CAST: variants seen among roughly 807,000 people sequenced by gnomAD.
CAST encodes the protein calpastatin.
A neutral mutation model predicts 119.6 loss-of-function variants in CAST; 76 were observed. That is an observed-to-expected ratio of 0.64 (90% CI 0.53 to 0.77). The LOEUF (loss-of-function observed/expected upper bound fraction) is 0.77. Among genes scored for constraint, CAST ranks in the 30% least tolerant of loss-of-function variants. The pLI is 0.00. For missense variants in CAST, 953 were observed against 946.5 expected, an observed-to-expected ratio of 1.01 and a Z score of -0.09; for synonymous variants, 319 against 331.6, an observed-to-expected ratio of 0.96 and a Z score of 0.41.
At chr5:96,378,545 C>A in the CAST span, among the ~76,000 whole-genome samples, 1 of 152,028 alleles carries the variant, frequency 6.6e-6, no homozygotes, top group East Asian at 1.9e-4. Flanking sequence ...AAGAAACAAA[C>A]TCAAGAAATA....
chr5:95,979,242 C>G, the CAST span, among the ~76,000 whole-genome samples: 2 of 152,154 alleles, frequency 1.3e-5, no homozygotes, highest in African/African-American at 4.8e-5. Flanking sequence ...ACCAATTCAT[C>G]CCAGCCACAA....
intron 1 of CAST, among the ~76,000 whole-genome samples, chr5:96,671,855 T>C (rs1333562737): frequency 1.3e-5 from 2 of 152,258 alleles, no homozygotes; most frequent in East Asian, 3.8e-4. Flanking sequence ...GGATCGAATT[T>C]GACATATGTC....
chr5:96,466,142 T>A, the CAST span, among the ~76,000 whole-genome samples: 1 of 152,132 alleles, frequency 6.6e-6, no homozygotes, highest in Non-Finnish European at 1.5e-5. Context: ...GAAAAATAAA[T>A]TCACTAACTA....
chr5:96,488,463 A>G, the CAST span, among the ~76,000 whole-genome samples: 1 of 152,246 alleles, frequency 6.6e-6, no homozygotes, highest in Admixed American at 6.5e-5. Flanking sequence ...AATGTCAAAA[A>G]ATGCAAAACT....
the CAST span, among the ~76,000 whole-genome samples, chr5:96,172,199 T>C: frequency 6.6e-6 from 1 of 152,284 alleles, no homozygotes; most frequent in East Asian, 1.9e-4. Context: ...TGGGGAGCCT[T>C]TGAGCCAGGA....
chr5:96,668,964 G>A (rs1749700280), intron 1 of CAST, among the ~76,000 whole-genome samples: 1 of 152,210 alleles, frequency 6.6e-6, no homozygotes, highest in Non-Finnish European at 1.5e-5. Flanking sequence ...CATCCTGCAG[G>A]AGGTGCTACT....
At chr5:96,682,344 G>A (rs939774386) in intron 2 of CAST, among the ~76,000 whole-genome samples, 1 of 152,126 alleles carries the variant, frequency 6.6e-6, no homozygotes, top group African/African-American at 2.4e-5. Flanking sequence ...TTCTAATACA[G>A]GTTTAAATTT....
intron 1 of CAST, among the ~76,000 whole-genome samples, chr5:96,590,152 C>A (rs912944776): frequency 3.3e-5 from 5 of 152,184 alleles, no homozygotes; most frequent in Admixed American, 2.6e-4. Flanking sequence ...AATAAATCAT[C>A]CAGTTCCTTA....
At chr5:96,491,448 G>T in the CAST span, among the ~76,000 whole-genome samples, 5 of 116,404 alleles carry the variant, frequency 4.3e-5, no homozygotes, top group Non-Finnish European at 8.2e-5. Flanking sequence ...CCGAGATCAC[G>T]CCACTGCACT....
the CAST span, among the ~76,000 whole-genome samples, chr5:96,134,886 G>A: frequency 9.7e-4 from 148 of 152,324 alleles, no homozygotes; most frequent in African/African-American, 3.3e-3. Context: ...AAAGCCTGTG[G>A]TAAGTGGGGA....
At chr5:96,607,276 G>A (rs1409356133) in intron 1 of CAST, among the ~76,000 whole-genome samples, 5 of 151,962 alleles carry the variant, frequency 3.3e-5, no homozygotes, top group Non-Finnish European at 4.4e-5. Flanking sequence ...CGACAGAGCG[G>A]GACTCCGTCT....
the CAST span, among the ~76,000 whole-genome samples, chr5:96,021,254 A>G: frequency 6.6e-6 from 1 of 152,286 alleles, no homozygotes; most frequent in African/African-American, 2.4e-5. Context: ...TGAAGTTCCT[A>G]AATATTTAAT....
intron 1 of CAST, among the ~76,000 whole-genome samples, chr5:96,548,532 C>A (rs114573210): frequency 1.3e-5 from 2 of 152,048 alleles, no homozygotes; most frequent in Non-Finnish European, 2.9e-5. Flanking sequence ...CCCCGCCCCC[C>A]ACCAACCCTT....
intron 2 of CAST, among the ~76,000 whole-genome samples, chr5:96,686,443 T>C (rs142150824): frequency 1.3e-5 from 2 of 152,058 alleles, no homozygotes; most frequent in African/African-American, 4.8e-5. Flanking sequence ...AGCAAAGAGG[T>C]AGAGGAAGCT....
chr5:96,610,929 C>A (rs1037977244), intron 1 of CAST, among the ~76,000 whole-genome samples: 4 of 152,120 alleles, frequency 2.6e-5, no homozygotes, highest in Admixed American at 6.6e-5. Flanking sequence ...TAGCCACACA[C>A]ATACACACAC....
the CAST span, among the ~76,000 whole-genome samples, chr5:96,067,510 A>C: frequency 6.6e-6 from 1 of 152,160 alleles, no homozygotes. Context: ...CGAAGTGAAG[A>C]ATTCTTTGAA....
chr5:96,025,789 A>C, the CAST span, among the ~76,000 whole-genome samples: 9 of 152,230 alleles, frequency 5.9e-5, no homozygotes, highest in Non-Finnish European at 1.0e-4. Flanking sequence ...GCTGAGATCT[A>C]AATAAGAGTT....
chr5:96,192,661 T>C, the CAST span, among the ~76,000 whole-genome samples: 1 of 152,318 alleles, frequency 6.6e-6, no homozygotes, highest in South Asian at 2.1e-4. Context: ...TATGGGATGA[T>C]TATACTTCCT....
At chr5:96,398,040 G>A in the CAST span, among the ~76,000 whole-genome samples, 1 of 151,900 alleles carries the variant, frequency 6.6e-6, no homozygotes, top group Admixed American at 6.6e-5. Context: ...TTAAGTCCCA[G>A]CCCTTTCTAG....
Sources: gnomAD v4.1 joint callset for allele counts (sites outside exome capture counted in the v4.1 genomes callset) on GRCh38, gnomAD v4.1.1 for gene constraint, MANE v1.5 for transcripts, NCBI Gene and HGNC (gene_info 2026-07-23, HGNC 2026-07-21) for gene names.